Variants in ITSN1 observed in about 807,000 individuals in gnomAD.
ITSN1 encodes intersectin-1.
ITSN1 carries 58 observed loss-of-function variants against 239.8 expected under a neutral mutation model. The ratio of observed to expected loss-of-function variants is 0.24; its 90% CI spans 0.20 to 0.30. The LOEUF is 0.30. Among genes scored for constraint, ITSN1 ranks in the 10% least tolerant of loss-of-function variants. The pLI is 1.00. For synonymous variants in ITSN1, 780 were observed against 770.8 expected (o/e 1.01, Z -0.20); for missense variants, 1,558 against 2,103.3 (o/e 0.74, Z 5.07).
At chr21:33,704,383 A>T (rs1316622605) in intron 1 of ITSN1, among the ~76,000 whole-genome samples, 7 of 152,046 alleles carry the variant, frequency 4.6e-5, no homozygotes, top group Non-Finnish European at 1.0e-4. Flanking sequence ...CCCTGCACCC[A>T]CGCTTCACCC....
chr21:33,651,652 G>A lies in ITSN1; in HGVS notation c.-33+8939G>A, dbSNP rs2088545505. 3.3e-5 allele frequency among the ~76,000 whole-genome samples: 5 copies of A among 152,306 alleles called. No homozygotes were observed. In the South Asian group the frequency reaches 1.0e-3, roughly 32 times the overall value. On this transcript the variant is annotated intron_variant, in intron 1 of 39. Coordinates refer to ENST00000381318, the MANE Select transcript of ITSN1 (RefSeq NM_003024.3). ...TATGAATATAGGTTTCTATAGGAGAGATTTTGTTTCCTTTTTTTAGTGAAA... is the reference window on the plus strand; with the variant it reads ...TATGAATATAGGTTTCTATAGGAGAAATTTTGTTTCCTTTTTTTAGTGAAA...
intron 16 of ITSN1, among the ~76,000 whole-genome samples, chr21:33,787,069 C>T (rs1012106892): frequency 6.6e-6 from 1 of 152,162 alleles, no homozygotes; most frequent in African/African-American, 2.4e-5. Flanking sequence ...AAGTTAATTA[C>T]TAGTTATTAT....
At chr21:33,815,864 GA>G (rs2073230466) in intron 22 of ITSN1, among the ~76,000 whole-genome samples, 1 of 143,806 alleles carries the variant, frequency 7.0e-6, no homozygotes. Flanking sequence ...AGAGGTTTGG[GA>G]GCAGGCGAAT....
At position 33,837,578 on chromosome 21, in the gene ITSN1, T is replaced by C. The variant is rs549638161; in HGVS notation, c.3661+946T>C. Reference sequence around the variant, plus strand: ...GTTCAGTATCTCTGTTTTAAAGACGTATAGAATGAGCCCAATTAAAGCGAA... The same window carrying C: ...GTTCAGTATCTCTGTTTTAAAGACGCATAGAATGAGCCCAATTAAAGCGAA... On this transcript the variant is annotated intron_variant, in intron 29 of 39. Transcript: ENST00000381318. 3.8e-5 allele frequency: 37 copies of C among 985,922 alleles called. No individual in the cohort carries two copies. In the East Asian group the frequency reaches 3.6e-3, roughly 97 times the overall value. The allele number at this position is 985,922 out of a possible 1,614,324, so 61.1% of individuals were successfully genotyped here. A position where few individuals can be genotyped will look rare whatever the true frequency, so the allele number is the denominator to read the frequency against.
intron 30 of ITSN1, among the ~76,000 whole-genome samples, chr21:33,857,652 A>C (rs1022046991): frequency 3.9e-5 from 6 of 152,196 alleles, no homozygotes; most frequent in African/African-American, 1.4e-4. Context: ...GGAGGAGTAC[A>C]GGGTGGGTTG....
chr21:33,822,538 T>C (rs1313220756), intron 24 of ITSN1, among the ~76,000 whole-genome samples: 1 of 152,214 alleles, frequency 6.6e-6, no homozygotes, highest in Non-Finnish European at 1.5e-5. Flanking sequence ...AGAACCTCCA[T>C]CCAGGATTTT....
At chr21:33,740,116 T>C (rs982111900) in intron 5 of ITSN1, among the ~76,000 whole-genome samples, 1 of 152,172 alleles carries the variant, frequency 6.6e-6, no homozygotes, top group Non-Finnish European at 1.5e-5. Flanking sequence ...TATAAGTGTA[T>C]ACTGAGATGG....
At chr21:33,852,128 C>T (rs1227999579) in intron 29 of ITSN1, among the ~76,000 whole-genome samples, 1 of 152,166 alleles carries the variant, frequency 6.6e-6, no homozygotes, top group Non-Finnish European at 1.5e-5. Context: ...CCTGTTGTGT[C>T]TCTCCCAAGA....
At chr21:33,752,211 C>T (rs1444740853) in intron 7 of ITSN1, among the ~76,000 whole-genome samples, 2 of 150,600 alleles carry the variant, frequency 1.3e-5, no homozygotes, top group Non-Finnish European at 2.9e-5. Flanking sequence ...AGATAAAATT[C>T]TGGGTATAAG....
chr21:33,655,557 A>G (rs1056061212), intron 1 of ITSN1, among the ~76,000 whole-genome samples: 8 of 147,232 alleles, frequency 5.4e-5, no homozygotes, highest in African/African-American at 7.5e-5. Context: ...AGTGGGTAGG[A>G]TTACAGGCAC....
chr21:33,760,613 G>T (rs1278460131), intron 8 of ITSN1, among the ~76,000 whole-genome samples: 2 of 152,118 alleles, frequency 1.3e-5, no homozygotes, highest in African/African-American at 4.8e-5. Flanking sequence ...AGACTACCTG[G>T]CCCAGTCACT....
chr21:33,885,274 G>A (rs1985598823), intron 37 of ITSN1, 151 bp downstream of exon 37: 2 of 940,398 alleles, frequency 2.1e-6, no homozygotes, highest in South Asian at 1.5e-5. Flanking sequence ...GGATGCAGAT[G>A]GGGATGGAGG....
At chr21:33,682,848 A>G (rs941239441) in intron 1 of ITSN1, among the ~76,000 whole-genome samples, 28 of 151,412 alleles carry the variant, frequency 1.8e-4, no homozygotes, top group African/African-American at 6.3e-4. Context: ...CATTGTTTAT[A>G]TTTATTGTCA....
chr21:33,879,581 C>A (rs1483303428), intron 34 of ITSN1, among the ~76,000 whole-genome samples: 3 of 152,232 alleles, frequency 2.0e-5, no homozygotes, highest in Non-Finnish European at 4.4e-5. Flanking sequence ...GACACACAGT[C>A]ATGTGCACTT....
intron 29 of ITSN1, among the ~76,000 whole-genome samples, chr21:33,838,813 G>A (rs975840346): frequency 6.6e-6 from 1 of 152,230 alleles, no homozygotes; most frequent in African/African-American, 2.4e-5. Context: ...CATTGAGGGT[G>A]TGTGATTTGG....
intron 1 of ITSN1, among the ~76,000 whole-genome samples, chr21:33,648,281 T>G (rs182492519): frequency 6.9e-4 from 105 of 152,324 alleles, no homozygotes; most frequent in African/African-American, 2.4e-3. Context: ...ATTAACTCAC[T>G]TCACAAAAAA....
At chr21:33,740,017 A>T (rs541292653) in intron 5 of ITSN1, among the ~76,000 whole-genome samples, 4 of 152,298 alleles carry the variant, frequency 2.6e-5, no homozygotes, top group Non-Finnish European at 4.4e-5. Context: ...GTATTTTGGG[A>T]AAAAAGTAAA....
At chr21:33,689,739 C>T (rs373725416) in intron 1 of ITSN1, among the ~76,000 whole-genome samples, 10 of 151,558 alleles carry the variant, frequency 6.6e-5, no homozygotes, top group Non-Finnish European at 1.0e-4. Flanking sequence ...AGGCTGAGGC[C>T]GGTGGATCAC....
At chr21:33,764,684 A>C (rs146403452) in intron 9 of ITSN1, among the ~76,000 whole-genome samples, 2,047 of 152,342 alleles carry the variant, frequency 0.013, 13 homozygotes, top group Non-Finnish European at 0.021. Flanking sequence ...ATAGCACCTA[A>C]GGAAATTTCA....
Sources: allele counts gnomAD v4.1 joint callset (sites outside exome capture counted in the v4.1 genomes callset), GRCh38; gene constraint gnomAD v4.1.1; transcripts MANE v1.5; gene names NCBI Gene and HGNC (gene_info 2026-07-23, HGNC 2026-07-21).